The following ROBO1 variants were observed in gnomAD, a reference collection of about 807,000 sequenced individuals.
The protein encoded by ROBO1 is roundabout guidance receptor 1, also known as roundabout homolog 1.
Under a neutral mutation model 195.9 loss-of-function variants are expected in ROBO1, and 149 were observed. That is an observed-to-expected ratio of 0.76 (90% CI 0.67 to 0.87). The LOEUF (loss-of-function observed/expected upper bound fraction) is 0.87, where lower values mean the gene tolerates loss of function less well. Among genes scored for constraint, ROBO1 ranks in the 40% least tolerant of loss-of-function variants. The pLI is 0.00. For synonymous variants in ROBO1, 816 were observed against 733.2 expected (o/e 1.11, Z -1.82); for missense variants, 1,933 against 2,068.3 (o/e 0.93, Z 1.27).
At chr3:79,269,516 G>A (rs2030325702) in intron 2 of ROBO1, among the ~76,000 whole-genome samples, 1 of 151,632 alleles carries the variant, frequency 6.6e-6, no homozygotes, top group Admixed American at 6.6e-5. Context: ...AATTTAGATA[G>A]AAGGATTTAT....
intron 2 of ROBO1, among the ~76,000 whole-genome samples, chr3:79,579,207 A>G (rs1256580538): frequency 6.6e-6 from 1 of 152,156 alleles, no homozygotes; most frequent in East Asian, 1.9e-4. Flanking sequence ...ACACAAGTTG[A>G]GCTTAATTGT....
At chr3:79,494,181 A>G (rs1176532850) in intron 2 of ROBO1, among the ~76,000 whole-genome samples, 1 of 152,070 alleles carries the variant, frequency 6.6e-6, no homozygotes, top group East Asian at 1.9e-4. Flanking sequence ...CATGCTCCAT[A>G]CTTTTTTCAG....
chr3:78,937,547 G>A (rs150885685), intron 4 of ROBO1, among the ~76,000 whole-genome samples: 2 of 151,726 alleles, frequency 1.3e-5, no homozygotes, highest in Non-Finnish European at 2.9e-5. Flanking sequence ...CCTTTCAAGG[G>A]GATGAATCAT....
intron 2 of ROBO1, among the ~76,000 whole-genome samples, chr3:79,509,413 C>T (rs1174684064): frequency 6.6e-6 from 1 of 152,026 alleles, no homozygotes; most frequent in Non-Finnish European, 1.5e-5. Flanking sequence ...AAAAAAGCTG[C>T]TGGGATATGG....
intron 1 of ROBO1, among the ~76,000 whole-genome samples, chr3:79,740,231 AT>A (rs2107414937): frequency 3.0e-5 from 1 of 33,494 alleles, no homozygotes; most frequent in African/African-American, 9.4e-5. Context: ...ATAAATTTAT[AT>A]ATAAATATAT....
intron 3 of ROBO1, among the ~76,000 whole-genome samples, chr3:79,010,435 G>A (rs2077747900): frequency 6.6e-6 from 1 of 151,958 alleles, no homozygotes; most frequent in Admixed American, 6.6e-5. Context: ...AATAAGATAA[G>A]GCATGTTAGC....
At chr3:78,610,353 C>T (rs1171972414) in intron 28 of ROBO1, among the ~76,000 whole-genome samples, 3 of 152,058 alleles carry the variant, frequency 2.0e-5, no homozygotes, top group African/African-American at 7.2e-5. Flanking sequence ...AGTTAGAAAA[C>T]AGGCTGTATC....
At chr3:78,996,287 A>T (rs976185440) in intron 3 of ROBO1, among the ~76,000 whole-genome samples, 1 of 150,346 alleles carries the variant, frequency 6.7e-6, no homozygotes, top group Non-Finnish European at 1.5e-5. Context: ...GTTCAAGACA[A>T]CCCTGGCCAA....
intron 2 of ROBO1, among the ~76,000 whole-genome samples, chr3:79,575,820 G>C (rs1379056113): frequency 2.0e-5 from 3 of 151,518 alleles, no homozygotes; most frequent in Non-Finnish European, 4.4e-5. Context: ...CATCATTGTA[G>C]TCTAAAAATA....
chr3:78,964,210 C>T (rs2041555003), intron 3 of ROBO1, among the ~76,000 whole-genome samples: 2 of 152,126 alleles, frequency 1.3e-5, no homozygotes, highest in Admixed American at 1.3e-4. Context: ...TGGATTAGGG[C>T]CCACCCTAAT....
intron 1 of ROBO1, among the ~76,000 whole-genome samples, chr3:79,686,657 C>T (rs1947123832): frequency 6.6e-6 from 1 of 152,076 alleles, no homozygotes; most frequent in South Asian, 2.1e-4. Context: ...ATCAAACTTA[C>T]AAGGGAAGTG....
intron 4 of ROBO1, among the ~76,000 whole-genome samples, chr3:78,803,328 T>C (rs769788796): frequency 1.6e-4 from 24 of 152,118 alleles, no homozygotes; most frequent in Non-Finnish European, 3.5e-4. Context: ...ACTTTCTTCC[T>C]TTTCCTCCTA....
intron 3 of ROBO1, among the ~76,000 whole-genome samples, chr3:79,019,860 A>T (rs1039941956): frequency 7.0e-6 from 1 of 142,814 alleles, no homozygotes; most frequent in Admixed American, 6.9e-5. Context: ...ATTCCCATTT[A>T]AAAAAAAAAA....
chr3:79,747,397 G>C (rs541808982), intron 1 of ROBO1, among the ~76,000 whole-genome samples: 1 of 152,054 alleles, frequency 6.6e-6, no homozygotes, highest in South Asian at 2.1e-4. Context: ...TAATGAGCTT[G>C]GATAAATTAT....
Position 79,551,992 on chromosome 3 carries a change from A to C in ROBO1, c.88+37832T>G, listed in dbSNP as rs1287494096. The stretch of plus-strand genomic sequence containing the variant: ...CTCTCTACAGAGTTAAAAAAAAAAA[A>C]AAAAAAAAAAAAAAAAAAAAAACAG... On this transcript the variant is annotated intron_variant, in intron 2 of 30. Coordinates refer to ENST00000464233, the MANE Select transcript of ROBO1 (RefSeq NM_002941.4). Among the ~76,000 whole-genome samples, 84 of 145,038 alleles carry C rather than the reference A, an allele frequency of 5.8e-4. No individual in the cohort carries two copies. In the East Asian group the frequency reaches 7.4e-3, roughly 13 times the overall value.
chr3:79,439,859 GA>G (rs952965491), intron 2 of ROBO1, among the ~76,000 whole-genome samples: 4 of 152,086 alleles, frequency 2.6e-5, no homozygotes, highest in African/African-American at 4.8e-5. Flanking sequence ...GAGCTAGAAT[GA>G]AGATGAGAGA....
At chr3:78,707,447 T>C (rs778428397) in intron 8 of ROBO1, among the ~76,000 whole-genome samples, 3 of 152,234 alleles carry the variant, frequency 2.0e-5, no homozygotes, top group Non-Finnish European at 2.9e-5. Context: ...ATAACAATTC[T>C]ACAGAATAGA....
intron 4 of ROBO1, among the ~76,000 whole-genome samples, chr3:78,889,729 CG>C (rs1328253721): frequency 2.2e-5 from 3 of 138,278 alleles, no homozygotes; most frequent in African/African-American, 8.0e-5. Context: ...AAAAAAAAAA[CG>C]AGTGGGGAAA....
chr3:79,654,083 C>G (rs1946090643), intron 1 of ROBO1, among the ~76,000 whole-genome samples: 1 of 151,880 alleles, frequency 6.6e-6, no homozygotes, highest in Non-Finnish European at 1.5e-5. Context: ...GATGGGCATA[C>G]AAATAAGTTA....
Sources: gnomAD v4.1 joint callset for allele counts (sites outside exome capture counted in the v4.1 genomes callset) on GRCh38, gnomAD v4.1.1 for gene constraint, MANE v1.5 for transcripts, NCBI Gene and HGNC (gene_info 2026-07-23, HGNC 2026-07-21) for gene names.